DSG2: variants seen among roughly 807,000 people sequenced by gnomAD.
The protein encoded by DSG2 is desmoglein 2.
DSG2 carries 45 observed loss-of-function variants against 75.6 expected under a neutral mutation model. The ratio of observed to expected loss-of-function variants is 0.60; its 90% CI spans 0.47 to 0.76. DSG2 has a LOEUF of 0.76. Among genes scored for constraint, DSG2 ranks in the 30% least tolerant of loss-of-function variants. The probability of loss-of-function intolerance (pLI) is 0.00; values close to 1 mark genes in which losing one functional copy is unlikely to be tolerated. For synonymous variants in DSG2, 429 were observed against 483.9 expected (o/e 0.89, Z 1.49); for missense variants, 1,267 against 1,357.4 (o/e 0.93, Z 1.05).
intron 12 of DSG2, among the ~76,000 whole-genome samples, chr18:31,539,912 G>A (rs1344472569): frequency 6.6e-6 from 1 of 152,034 alleles, no homozygotes; most frequent in Non-Finnish European, 1.5e-5. Context: ...GATTCTTATA[G>A]GAGCTCAAAC....
chr18:31,535,988 A>G (rs1289622443), intron 10 of DSG2, among the ~76,000 whole-genome samples: 3 of 152,148 alleles, frequency 2.0e-5, no homozygotes, highest in Non-Finnish European at 4.4e-5. Context: ...AAGATGAAAT[A>G]AGCACCTAAT....
intron 8 of DSG2, among the ~76,000 whole-genome samples, chr18:31,527,484 T>G (rs911754855): frequency 2.6e-5 from 4 of 152,160 alleles, no homozygotes; most frequent in Non-Finnish European, 5.9e-5. Flanking sequence ...ATAAAATGAG[T>G]ATTACAGTGA....
At chr18:31,542,356 C>T (rs992883938) in intron 13 of DSG2, 164 bp from the exon 14 acceptor site, 28 of 720,448 alleles carry the variant, frequency 3.9e-5, no homozygotes, top group Non-Finnish European at 6.1e-5. Context: ...AGGAGATCTT[C>T]ATAAGACTTA....
intron 12 of DSG2, 101 bp downstream of exon 12, chr18:31,539,079 T>A: frequency 8.6e-7 from 1 of 1,157,988 alleles, no homozygotes; most frequent in Non-Finnish European, 1.3e-6. Flanking sequence ...AGTTATTCTT[T>A]AACCACACTA....
At chr18:31,518,372 T>C in intron 2 of DSG2, 98 bp downstream of exon 2, 1 of 1,031,512 alleles carries the variant, frequency 9.7e-7, no homozygotes, top group Non-Finnish European at 1.5e-6. Context: ...AGACACATGT[T>C]GTATTAGACC....
chr18:31,526,797 G>A (rs1206144793), intron 8 of DSG2, among the ~76,000 whole-genome samples: 1 of 152,146 alleles, frequency 6.6e-6, no homozygotes, highest in Non-Finnish European at 1.5e-5. Flanking sequence ...TACAGAGTAA[G>A]GATGTAAAGA....
chr18:31,533,991 C>CTTTTTTTTTTTTTT (rs55789239), intron 9 of DSG2, among the ~76,000 whole-genome samples: 3 of 125,940 alleles, frequency 2.4e-5, no homozygotes, highest in Non-Finnish European at 3.3e-5. Context: ...TCTTTTTTTT[C>CTTTTTTTTTTTTTT]TTTTTTTTTT....
At chr18:31,502,685 A>G (rs1042672751) in intron 1 of DSG2, among the ~76,000 whole-genome samples, 8 of 149,954 alleles carry the variant, frequency 5.3e-5, no homozygotes, top group South Asian at 2.1e-4. Context: ...TGGAAGGCGG[A>G]GGTTGCAGTG....
chr18:31,542,381 C>T, intron 13 of DSG2, 139 bp from the exon 14 acceptor site: 1 of 837,940 alleles, frequency 1.2e-6, no homozygotes, highest in Admixed American at 2.0e-5. Context: ...AGTTATTCAA[C>T]TCAAAATACT....
In DSG2 at chr18:31,520,875, C is replaced by T. The variant is rs1191467161; in HGVS notation, c.289C>T (p.Pro97Ser). Reference sequence around the variant, plus strand: ...ATACACTGGAAAAGGGATTACAGAGCCACCTTTTGGTATATTTGTCTTTAA... The same window carrying T: ...ATACACTGGAAAAGGGATTACAGAGTCACCTTTTGGTATATTTGTCTTTAA... Reference protein sequence around the residue: ...YKYTGKGITEPPFGIFVFNKD... With the variant: ...YKYTGKGITESPFGIFVFNKD... The change falls in exon 4 of 15, where the codon CCA becomes TCA. Residue 97 changes from proline (P) to serine (S), a missense_variant. Coordinates refer to ENST00000261590, the MANE Select transcript of DSG2 (RefSeq NM_001943.5). 1.2e-6 allele frequency: 2 copies of T among 1,613,626 alleles called. No individual in the cohort carries two copies. The highest frequency in any genetic ancestry group is 1.7e-6 in the Non-Finnish European group (2 of 1,179,812).
At position 31,529,483 on chromosome 18, in the gene DSG2, A is replaced by G. The variant is rs113553467; in HGVS notation, c.1015-1504A>G. ...AACAAGCTTTCACAAAGATATTACA[A>G]TCACAAAGGATGTATTTTCTCTAGT... On this transcript the variant is annotated intron_variant, in intron 8 of 14. Transcript: ENST00000261590. Among the ~76,000 whole-genome samples the G allele has an allele frequency of 9.7e-3, 1,478 of 152,310 alleles. 19 individuals are homozygous for G. Among genetic ancestry groups the G allele is most frequent in the African/African-American group, 0.034 (1,421 of 41,574 alleles).
chr18:31,521,010 A>C, intron 4 of DSG2, 46 bp downstream of exon 4: 1 of 1,608,708 alleles, frequency 6.2e-7, no homozygotes, highest in Non-Finnish European at 8.5e-7. Flanking sequence ...TTTTTCTGTC[A>C]TAATAAGTGT....
At chr18:31,544,702 C>G (rs2144357023) in intron 14 of DSG2, among the ~76,000 whole-genome samples, 1 of 152,228 alleles carries the variant, frequency 6.6e-6, no homozygotes, top group Non-Finnish European at 1.5e-5. Context: ...AGATTAAGCA[C>G]AAACTATGGA....
At chr18:31,498,335 G>T in intron 1 of DSG2, 39 bp downstream of exon 1, 1 of 1,252,750 alleles carries the variant, frequency 8.0e-7, no homozygotes, top group Non-Finnish European at 1.0e-6. Context: ...CACCGCCGGG[G>T]AGGGCGTCGG....
At chr18:31,501,493 A>G (rs562884187) in intron 1 of DSG2, among the ~76,000 whole-genome samples, 49 of 152,356 alleles carry the variant, frequency 3.2e-4, no homozygotes, top group African/African-American at 1.2e-3. Flanking sequence ...TAGAAATCCA[A>G]AATCAAGATA....
chr18:31,523,052 A>G (rs1162918723), intron 6 of DSG2, among the ~76,000 whole-genome samples: 1 of 152,092 alleles, frequency 6.6e-6, no homozygotes, highest in Non-Finnish European at 1.5e-5. Context: ...CATAAAGTAC[A>G]CTCTTTGTCA....
chr18:31,519,328 G>A (rs1222215687), intron 2 of DSG2, among the ~76,000 whole-genome samples: 6 of 152,056 alleles, frequency 3.9e-5, no homozygotes, highest in Admixed American at 6.6e-5. Flanking sequence ...AGACTGAGGC[G>A]GGCGGATTGC....
chr18:31,504,360 C>T (rs1452490532), intron 1 of DSG2, among the ~76,000 whole-genome samples: 1 of 152,238 alleles, frequency 6.6e-6, no homozygotes, highest in African/African-American at 2.4e-5. Flanking sequence ...ATCCAGTCTC[C>T]TTAGACCCCA....
chr18:31,519,811 CA>C lies in DSG2; in HGVS notation c.91del (p.Thr31GlnfsTer14), dbSNP rs758282201. ...GSGLHLQVLS[T>X]RNENKLLPKH... ...ATATTCTATTGTTATAGGTCTTAAG[CA>C]CAAGAAATGAAAATAAGCTGCTTCC... On this transcript the variant is annotated frameshift_variant, in exon 3 of 15. Transcript: ENST00000261590. LOFTEE classifies it high-confidence loss of function. The C allele has an allele frequency of 1.2e-6, 2 of 1,614,040 alleles. No individual in the cohort carries two copies. Among genetic ancestry groups the C allele is most frequent in the South Asian group, 2.2e-5 (2 of 91,066 alleles).
Sources: gnomAD v4.1 joint callset for allele counts (sites outside exome capture counted in the v4.1 genomes callset) on GRCh38, gnomAD v4.1.1 for gene constraint, MANE v1.5 for transcripts, NCBI Gene and HGNC (gene_info 2026-07-23, HGNC 2026-07-21) for gene names.